CCDC158: variants seen among roughly 807,000 people sequenced by gnomAD.
The protein encoded by CCDC158 is coiled-coil domain containing 158.
A neutral mutation model predicts 138.6 loss-of-function variants in CCDC158; 116 were observed. The observed-to-expected ratio is 0.84, with a 90% confidence interval of 0.72 to 0.98. The LOEUF (loss-of-function observed/expected upper bound fraction) is 0.98. Among genes scored for constraint, CCDC158 ranks in the 50% least tolerant of loss-of-function variants. The pLI is 0.00. For missense variants in CCDC158, 1,265 were observed against 1,306.1 expected, an observed-to-expected ratio of 0.97 and a Z score of 0.48; for synonymous variants, 436 against 442.4, an observed-to-expected ratio of 0.99 and a Z score of 0.18.
At chr4:76,390,028 A>G (rs1220028334) in intron 4 of CCDC158, among the ~76,000 whole-genome samples, 1 of 152,202 alleles carries the variant, frequency 6.6e-6, no homozygotes, top group Non-Finnish European at 1.5e-5. Flanking sequence ...ATCCAAAGGT[A>G]CAAAACTCAT....
intron 8 of CCDC158, among the ~76,000 whole-genome samples, chr4:76,382,373 T>C (rs928159209): frequency 6.6e-6 from 1 of 152,170 alleles, no homozygotes; most frequent in Admixed American, 6.5e-5. Context: ...TGGACAAATA[T>C]GAATACTTAA....
Position 76,373,002 on chromosome 4 carries a change from C to G in CCDC158, c.1030-1466G>C, listed in dbSNP as rs189142030. 4.1e-3 allele frequency among the ~76,000 whole-genome samples: 623 copies of G among 152,282 alleles called. 6 individuals carry two copies. The highest frequency in any genetic ancestry group is 0.014 in the African/African-American group (595 of 41,544). ...TAGCTGGGATTATAGGTGCCCGCCA[C>G]CATGGCCAGCTAATTTTTGTATTTT... On this transcript the variant is annotated intron_variant, in intron 9 of 24. Transcript: ENST00000682701.
intron 2 of CCDC158, among the ~76,000 whole-genome samples, chr4:76,409,411 A>G (rs1017530804): frequency 1.3e-5 from 2 of 152,190 alleles, no homozygotes; most frequent in Non-Finnish European, 2.9e-5. Flanking sequence ...TTTATTTTAA[A>G]TCTCTGAGTA....
Position 76,412,142 on chromosome 4 carries a change from C to T in CCDC158, c.-116-10G>A, listed in dbSNP as rs978730315. On this transcript the variant is annotated splice_polypyrimidine_tract_variant and intron_variant, in intron 1 of 24. Coordinates refer to ENST00000682701, the MANE Select transcript of CCDC158 (RefSeq NM_001394954.1). ...CTTATTCTATTAATATCTGAAAAAA[C>T]AAAATATTTAAAATCTGTTCATTTA... 2.6e-5 allele frequency: 4 copies of T among 152,092 alleles called. No homozygotes were observed. The highest frequency in any genetic ancestry group is 4.4e-5 in the Non-Finnish European group (3 of 67,998). 9.4% of individuals were successfully genotyped at this position (152,092 alleles called of 1,614,324 possible).
chr4:76,399,765 T>C (rs1271311236), intron 3 of CCDC158, among the ~76,000 whole-genome samples: 1 of 152,178 alleles, frequency 6.6e-6, no homozygotes, highest in Non-Finnish European at 1.5e-5. Context: ...TGGGAGAGAC[T>C]TGGCATGTTT....
chr4:76,385,423 A>C (rs1350071631), intron 4 of CCDC158, among the ~76,000 whole-genome samples: 54 of 152,202 alleles, frequency 3.5e-4, no homozygotes, highest in Non-Finnish European at 5.9e-5. Flanking sequence ...ATTTACAGAG[A>C]AATTCAAGAG....
chr4:76,343,384 T>G (rs546655062), intron 18 of CCDC158, among the ~76,000 whole-genome samples: 1 of 152,280 alleles, frequency 6.6e-6, no homozygotes, highest in Non-Finnish European at 1.5e-5. Context: ...CAGTCTTAAA[T>G]ATGAATGGAC....
At chr4:76,323,782 A>T (rs1416085001) in intron 23 of CCDC158, among the ~76,000 whole-genome samples, 2 of 152,214 alleles carry the variant, frequency 1.3e-5, no homozygotes, top group Non-Finnish European at 2.9e-5. Flanking sequence ...TTGGGGTTTG[A>T]GGGAGTATGA....
chr4:76,401,303 C>T (rs1313061134), intron 3 of CCDC158: 2 of 494,908 alleles, frequency 4.0e-6, no homozygotes, highest in East Asian at 5.8e-5. Context: ...GTGTGGCAAG[C>T]ACCAACTCCA....
chr4:76,401,642 G>A (rs1728400486), intron 3 of CCDC158: 1 of 162,816 alleles, frequency 6.1e-6, no homozygotes, highest in African/African-American at 2.4e-5. Flanking sequence ...ACAGGAGGTT[G>A]AATTTCAGAA....
intron 2 of CCDC158, among the ~76,000 whole-genome samples, chr4:76,411,693 T>C (rs539519391): frequency 5.3e-5 from 8 of 152,348 alleles, no homozygotes; most frequent in East Asian, 3.9e-4. Context: ...AATTCTGTCA[T>C]TGGTTAACTG....
At chr4:76,325,318 A>T (rs1193224165) in intron 23 of CCDC158, among the ~76,000 whole-genome samples, 1 of 152,248 alleles carries the variant, frequency 6.6e-6, no homozygotes. Flanking sequence ...TCACTGTCAT[A>T]CATGATGAGA....
At chr4:76,344,849 CAA>C in intron 18 of CCDC158, 2 of 1,588,334 alleles carry the variant, frequency 1.3e-6, no homozygotes, top group Non-Finnish European at 1.7e-6. Context: ...GGTCTATGAC[CAA>C]AGAAGAATTT....
At chr4:76,399,240 C>T (rs1728112433) in intron 3 of CCDC158, among the ~76,000 whole-genome samples, 2 of 152,096 alleles carry the variant, frequency 1.3e-5, no homozygotes, top group South Asian at 2.1e-4. Flanking sequence ...TTGTTCTTTC[C>T]ATTTTTCTAC....
chr4:76,317,447 T>C (rs951650107), intron 24 of CCDC158, among the ~76,000 whole-genome samples: 1 of 152,078 alleles, frequency 6.6e-6, no homozygotes, highest in Non-Finnish European at 1.5e-5. Context: ...CCTAAATATA[T>C]ATGCACTTAA....
chr4:76,351,684 T>G lies in CCDC158; in HGVS notation c.2538+36A>C, dbSNP rs377204647. On this transcript the variant is annotated intron_variant, in intron 17 of 24. Transcript: ENST00000682701. ...ATAAAAGCATATCAAAGAACGGCAT[T>G]ATTTTCGCTTAAACTAATATTTATG... 7.1e-6 allele frequency: 9 copies of G among 1,261,320 alleles called. No homozygotes were observed. The African/African-American group carries it at 1.0e-4, about 14-fold the overall frequency. 78.1% of individuals were successfully genotyped at this position (1,261,320 alleles called of 1,614,324 possible). A position where few individuals can be genotyped will look rare whatever the true frequency, so the allele number is the denominator to read the frequency against.
At chr4:76,419,877 G>T (rs1004096900) in intron 1 of CCDC158, among the ~76,000 whole-genome samples, 1 of 149,426 alleles carries the variant, frequency 6.7e-6, no homozygotes. Flanking sequence ...ATCTAGCTGG[G>T]GGACGGGTGG....
At chr4:76,365,349 T>C (rs760358690) in intron 12 of CCDC158, among the ~76,000 whole-genome samples, 4 of 152,158 alleles carry the variant, frequency 2.6e-5, no homozygotes, top group African/African-American at 4.8e-5. Flanking sequence ...TTTAAACTTA[T>C]GTTCTTTGTG....
chr4:76,417,518 C>T (rs1264604278), intron 1 of CCDC158, among the ~76,000 whole-genome samples: 1 of 152,136 alleles, frequency 6.6e-6, no homozygotes, highest in Non-Finnish European at 1.5e-5. Flanking sequence ...TCAACTTGAA[C>T]TGTATATCCC....
Sources: allele counts gnomAD v4.1 joint callset (sites outside exome capture counted in the v4.1 genomes callset), GRCh38; gene constraint gnomAD v4.1.1; transcripts MANE v1.5; gene names NCBI Gene and HGNC (gene_info 2026-07-23, HGNC 2026-07-21).